The following PPP2R5E variants were observed in gnomAD, a reference collection of about 807,000 sequenced individuals.
The protein encoded by PPP2R5E is serine/threonine-protein phosphatase 2A 56 kDa regulatory subunit epsilon isoform.
Under a neutral mutation model 65.3 loss-of-function variants are expected in PPP2R5E, and 4 were observed. That is an observed-to-expected ratio of 0.06 (90% CI 0.03 to 0.14). The LOEUF is 0.14. Ranked by LOEUF, PPP2R5E falls within the 10% of genes least tolerant of loss-of-function variation. PPP2R5E has a pLI of 1.00. For missense variants in PPP2R5E, 274 were observed against 556.1 expected, an observed-to-expected ratio of 0.49 and a Z score of 5.10; for synonymous variants, 183 against 187.4, an observed-to-expected ratio of 0.98 and a Z score of 0.19.
intron 1 of PPP2R5E, among the ~76,000 whole-genome samples, chr14:63,540,055 G>A (rs1202671778): frequency 6.6e-6 from 1 of 151,670 alleles, no homozygotes; most frequent in African/African-American, 2.4e-5. Flanking sequence ...AACCTGGGAG[G>A]TGGAGGTTGC....
At position 63,374,220 on chromosome 14, in the gene PPP2R5E, G is replaced by A. The variant is rs576956389; in HGVS notation, c.*1789C>T. 1 of 151,784 alleles carries A rather than the reference G, an allele frequency of 6.6e-6. No homozygotes were observed. Among genetic ancestry groups the A allele is most frequent in the East Asian group, 1.9e-4 (1 of 5,182 alleles). The allele number at this position is 151,784 out of a possible 1,614,324, so 9.4% of individuals were successfully genotyped here. A position where few individuals can be genotyped will look rare whatever the true frequency, so the allele number is the denominator to read the frequency against. Reference sequence around the variant, plus strand: ...GATCATCCTGAAAAACTTTATGGGGGAGAAAGGTCAGCAGCTTCTCTTTCT... The same window carrying A: ...GATCATCCTGAAAAACTTTATGGGGAAGAAAGGTCAGCAGCTTCTCTTTCT... On this transcript the variant is annotated 3_prime_UTR_variant, in exon 14 of 14. Transcript: ENST00000337537.
chr14:63,384,309 T>C, intron 12 of PPP2R5E, 135 bp downstream of exon 12: 1 of 1,031,608 alleles, frequency 9.7e-7, no homozygotes, highest in Non-Finnish European at 1.5e-6. Context: ...AGTCAGTGAA[T>C]CCCCAGAAGG....
chr14:63,442,456 C>G (rs1348081861), intron 3 of PPP2R5E, among the ~76,000 whole-genome samples: 2 of 151,844 alleles, frequency 1.3e-5, no homozygotes, highest in African/African-American at 4.8e-5. Flanking sequence ...AAAGAGTCAC[C>G]TCCAAGGCAA....
chr14:63,454,548 A>T (rs921629273), intron 2 of PPP2R5E, among the ~76,000 whole-genome samples: 1 of 152,226 alleles, frequency 6.6e-6, no homozygotes, highest in Non-Finnish European at 1.5e-5. Context: ...AGAGAAAACC[A>T]CTAACATCTT....
intron 2 of PPP2R5E, among the ~76,000 whole-genome samples, chr14:63,466,663 C>G (rs1889816630): frequency 2.0e-5 from 3 of 152,136 alleles, no homozygotes; most frequent in Admixed American, 2.0e-4. Flanking sequence ...ACAAGAAACC[C>G]ATTTCAAAGC....
Position 63,389,722 on chromosome 14 carries a change from G to T in PPP2R5E, c.964C>A (p.Leu322Ile). 1 of 1,607,204 alleles carries T rather than the reference G, an allele frequency of 6.2e-7. No individual in the cohort carries two copies. Among genetic ancestry groups the T allele is most frequent in the Non-Finnish European group, 8.5e-7 (1 of 1,177,328 alleles). Residue 322 changes from leucine (L) to isoleucine (I), a missense_variant, in exon 11 of 14, where the codon CTT becomes ATT. Around this residue, in one of 6 missense-constraint regions of PPP2R5E, gnomAD observed 129 missense variants for 254.9 expected, o/e 0.51. Transcript: ENST00000337537. ...TCCAATATTTCTTCCAGTTCCCCAA[G>T]GAACATGACCTGTAAGTACAAGCAA... The part of the protein sequence containing the change: ...KTCSQKEVMF[L>I]GELEEILDVI...
At chr14:63,440,172 G>A (rs1302194636) in intron 3 of PPP2R5E, among the ~76,000 whole-genome samples, 1 of 152,158 alleles carries the variant, frequency 6.6e-6, no homozygotes, top group Non-Finnish European at 1.5e-5. Flanking sequence ...CATGAACTCA[G>A]GGGACTGCTA....
chr14:63,444,961 T>G (rs948815828), intron 3 of PPP2R5E, among the ~76,000 whole-genome samples: 6 of 152,224 alleles, frequency 3.9e-5, no homozygotes, highest in African/African-American at 1.4e-4. Flanking sequence ...CTGTAAACTT[T>G]AAGAAAGGCA....
intron 13 of PPP2R5E, among the ~76,000 whole-genome samples, chr14:63,380,077 G>C (rs1439085180): frequency 6.6e-6 from 1 of 151,256 alleles, no homozygotes; most frequent in East Asian, 2.0e-4. Context: ...CAGATGACCC[G>C]CCCGCCTCAG....
Position 63,374,392 on chromosome 14 carries a change from G to A in PPP2R5E, c.*1617C>T, listed in dbSNP as rs1292340014. On this transcript the variant is annotated 3_prime_UTR_variant, in exon 14 of 14. Coordinates refer to ENST00000337537, the MANE Select transcript of PPP2R5E (RefSeq NM_006246.5). ...TTGCTACTATCACAATTCAACATAT[G>A]AACACAGATCAGCTCTATACCATGA... is the stretch of plus-strand genomic sequence containing the variant. The A allele has an allele frequency of 6.6e-6, 1 of 151,732 alleles. No individual in the cohort carries two copies. Among genetic ancestry groups the A allele is most frequent in the Non-Finnish European group, 1.5e-5 (1 of 67,944 alleles). The allele number at this position is 151,732 out of a possible 1,614,324, so 9.4% of individuals were successfully genotyped here. A position where few individuals can be genotyped will look rare whatever the true frequency, so the allele number is the denominator to read the frequency against.
At chr14:63,376,236 T>A in intron 13 of PPP2R5E, 128 bp from the exon 14 acceptor site, 1 of 626,960 alleles carries the variant, frequency 1.6e-6, no homozygotes, top group Non-Finnish European at 2.6e-6. Context: ...ACTTTAAAAT[T>A]ACTAAGAAAC....
At chr14:63,403,327 G>A (rs1435433809) in intron 5 of PPP2R5E, among the ~76,000 whole-genome samples, 1 of 146,752 alleles carries the variant, frequency 6.8e-6, no homozygotes, top group Non-Finnish European at 1.5e-5. Context: ...GCTGGAAGTT[G>A]CAGTGAGCCA....
intron 3 of PPP2R5E, among the ~76,000 whole-genome samples, chr14:63,432,682 G>C (rs183205105): frequency 2.0e-4 from 31 of 152,144 alleles, no homozygotes; most frequent in African/African-American, 7.0e-4. Flanking sequence ...GGAAGGGGAG[G>C]GAAGAAAGAA....
At chr14:63,478,258 G>C (rs1166977173) in intron 2 of PPP2R5E, among the ~76,000 whole-genome samples, 3 of 152,064 alleles carry the variant, frequency 2.0e-5, no homozygotes, top group African/African-American at 7.2e-5. Flanking sequence ...GAAACCCAGA[G>C]GTCTCAGTGA....
intron 2 of PPP2R5E, among the ~76,000 whole-genome samples, chr14:63,522,548 T>A (rs1462641868): frequency 6.7e-6 from 1 of 150,336 alleles, no homozygotes; most frequent in African/African-American, 2.5e-5. Flanking sequence ...GGAGCGTCTC[T>A]GCCCGGCCGC....
chr14:63,378,796 C>A (rs1248153901), intron 13 of PPP2R5E, among the ~76,000 whole-genome samples: 1 of 152,166 alleles, frequency 6.6e-6, no homozygotes, highest in Non-Finnish European at 1.5e-5. Context: ...ACTTATTCCA[C>A]CCACCATTTT....
At chr14:63,539,842 T>C (rs73278655) in intron 1 of PPP2R5E, 150 bp from the exon 2 acceptor site, 99,909 of 856,436 alleles carry the variant, frequency 0.12, 6,878 homozygotes, top group African/African-American at 0.19. Context: ...AAGTCTTATC[T>C]TGGCCAGGTG....
At chr14:63,446,645 T>A (rs1888492625) in intron 3 of PPP2R5E, among the ~76,000 whole-genome samples, 1 of 151,734 alleles carries the variant, frequency 6.6e-6, no homozygotes, top group Non-Finnish European at 1.5e-5. Context: ...CTGGCTAACA[T>A]GGTGAAACCC....
intron 5 of PPP2R5E, among the ~76,000 whole-genome samples, chr14:63,403,387 CAAAAAAAAAAAA>C (rs35226807): frequency 1.3e-5 from 1 of 79,278 alleles, no homozygotes; most frequent in Non-Finnish European, 2.9e-5. Context: ...GAGTCTGTCT[CAAAAAAAAAAAA>C]AAAAAAAAAA....
Sources: gnomAD v4.1 joint callset for allele counts (sites outside exome capture counted in the v4.1 genomes callset) on GRCh38, gnomAD v4.1.1 for gene constraint, gnomAD v4.1.1 regional missense constraint, MANE v1.5 for transcripts, NCBI Gene and HGNC (gene_info 2026-07-23, HGNC 2026-07-21) for gene names.